PCDH15: variants seen among roughly 807,000 people sequenced by gnomAD.
PCDH15 encodes the protein protocadherin related 15, also known as protocadherin-15.
PCDH15 carries 129 observed loss-of-function variants against 178.5 expected under a neutral mutation model. That is an observed-to-expected ratio of 0.72 (90% CI 0.63 to 0.84). The LOEUF (loss-of-function observed/expected upper bound fraction) is 0.84. Among genes scored for constraint, PCDH15 ranks in the 40% least tolerant of loss-of-function variants. The pLI, the probability that PCDH15 is intolerant of heterozygous loss-of-function variation, is 0.00. For missense variants in PCDH15, 2,230 were observed against 2,099.9 expected, an observed-to-expected ratio of 1.06 and a Z score of -1.21; for synonymous variants, 800 against 732.0, an observed-to-expected ratio of 1.09 and a Z score of -1.50.
At chr10:54,696,573 G>A (rs2095228343) in intron 1 of PCDH15, among the ~76,000 whole-genome samples, 1 of 151,810 alleles carries the variant, frequency 6.6e-6, no homozygotes, top group South Asian at 2.1e-4. Flanking sequence ...AAACAGCACT[G>A]AAATCTATGG....
At chr10:54,874,188 G>A (rs1398375749) in intron 3 of PCDH15, among the ~76,000 whole-genome samples, 8 of 108,182 alleles carry the variant, frequency 7.4e-5, no homozygotes. Flanking sequence ...TGTTCTCATT[G>A]TTCAATTCCC....
chr10:54,201,694 G>A (rs2050244408), intron 10 of PCDH15, among the ~76,000 whole-genome samples: 1 of 152,014 alleles, frequency 6.6e-6, no homozygotes, highest in African/African-American at 2.4e-5. Flanking sequence ...TAAAAATTAA[G>A]TGATTGTGAC....
intron 3 of PCDH15, among the ~76,000 whole-genome samples, chr10:54,827,843 T>G (rs1272838056): frequency 6.6e-6 from 1 of 152,082 alleles, no homozygotes; most frequent in Non-Finnish European, 1.5e-5. Context: ...TAATTTGGAA[T>G]GGGGATTTAA....
chr10:55,255,169 T>C (rs1841957784), intron 1 of PCDH15, among the ~76,000 whole-genome samples: 2 of 152,202 alleles, frequency 1.3e-5, no homozygotes, highest in Non-Finnish European at 2.9e-5. Flanking sequence ...ATTCTCGTTG[T>C]TCAATTCCCA....
intron 2 of PCDH15, among the ~76,000 whole-genome samples, chr10:55,097,341 G>A (rs951284961): frequency 6.6e-6 from 1 of 152,092 alleles, no homozygotes; most frequent in Non-Finnish European, 1.5e-5. Context: ...AAGAAGTAAA[G>A]TAACCTGCCT....
intron 27 of PCDH15, among the ~76,000 whole-genome samples, chr10:53,864,441 G>C (rs2079309173): frequency 6.6e-6 from 1 of 152,174 alleles, no homozygotes; most frequent in South Asian, 2.1e-4. Context: ...GTCTCAGATG[G>C]AAAGGGAAAG....
intron 20 of PCDH15, among the ~76,000 whole-genome samples, chr10:54,014,483 A>C (rs1269227088): frequency 1.3e-5 from 2 of 152,178 alleles, no homozygotes; most frequent in African/African-American, 4.8e-5. Context: ...ACTTCAGGCC[A>C]ATATCTTTGA....
intron 2 of PCDH15, among the ~76,000 whole-genome samples, chr10:55,451,138 C>T (rs1041101281): frequency 1.3e-5 from 2 of 151,852 alleles, no homozygotes; most frequent in Non-Finnish European, 2.9e-5. Context: ...AACCTAGAGC[C>T]CATGCTCTTT....
intron 26 of PCDH15, among the ~76,000 whole-genome samples, chr10:53,873,837 A>G (rs1014534582): frequency 7.2e-5 from 11 of 152,168 alleles, no homozygotes; most frequent in African/African-American, 2.7e-4. Context: ...AGCCCCCATG[A>G]AACGGATTGG....
At chr10:54,147,958 C>T (rs1168821035) in intron 14 of PCDH15, among the ~76,000 whole-genome samples, 1 of 151,896 alleles carries the variant, frequency 6.6e-6, no homozygotes, top group South Asian at 2.1e-4. Context: ...AGTCAATTAT[C>T]CTATTTCAGC....
intron 3 of PCDH15, among the ~76,000 whole-genome samples, chr10:54,474,274 GA>G (rs961543062): frequency 6.0e-5 from 9 of 149,430 alleles, no homozygotes; most frequent in South Asian, 2.1e-4. Flanking sequence ...TCAATACAAA[GA>G]AAAAAAAATA....
chr10:54,576,282 T>C lies in PCDH15; in HGVS notation c.92-48405A>G, dbSNP rs2090475248. 2.6e-5 allele frequency among the ~76,000 whole-genome samples: 4 copies of C among 152,314 alleles called. No homozygotes were observed. In the South Asian group the frequency reaches 6.2e-4, roughly 24 times the overall value. Reference sequence around the variant, plus strand: ...TTAAGTATAAGTTTTCTATAAAAATTAGCATTGGATATGTAGACTACTCAT... The same window carrying C: ...TTAAGTATAAGTTTTCTATAAAAATCAGCATTGGATATGTAGACTACTCAT... On this transcript the variant is annotated intron_variant, in intron 2 of 37. Transcript: ENST00000644397.
chr10:54,435,198 G>T, intron 3 of PCDH15, among the ~76,000 whole-genome samples: 1 of 151,878 alleles, frequency 6.6e-6, no homozygotes, highest in African/African-American at 2.4e-5. Flanking sequence ...ACATTTATTG[G>T]TCTTCTATGT....
At chr10:55,502,629 G>C (rs557812330) in intron 2 of PCDH15, among the ~76,000 whole-genome samples, 1 of 151,514 alleles carries the variant, frequency 6.6e-6, no homozygotes, top group Non-Finnish European at 1.5e-5. Flanking sequence ...CTGAGTCAAG[G>C]GATAGAGGAT....
intron 13 of PCDH15, among the ~76,000 whole-genome samples, chr10:54,178,434 C>G (rs2047653126): frequency 6.6e-6 from 1 of 151,794 alleles, no homozygotes; most frequent in Non-Finnish European, 1.5e-5. Flanking sequence ...TAGACCAGAA[C>G]CTGGGGATGT....
intron 13 of PCDH15, among the ~76,000 whole-genome samples, chr10:54,170,888 C>G (rs571508891): frequency 0.041 from 6,174 of 151,970 alleles, 425 homozygotes; most frequent in African/African-American, 0.14. Context: ...AGTGTTCCAT[C>G]TGCTATTCTA....
chr10:54,357,995 C>T (rs973023873), intron 5 of PCDH15, among the ~76,000 whole-genome samples: 12 of 151,796 alleles, frequency 7.9e-5, no homozygotes, highest in Non-Finnish European at 1.3e-4. Context: ...CTTCCTTACA[C>T]CTTATACAAA....
intron 1 of PCDH15, among the ~76,000 whole-genome samples, chr10:55,206,243 TTTTG>T (rs1414318734): frequency 2.0e-5 from 3 of 152,134 alleles, no homozygotes; most frequent in African/African-American, 7.3e-5. Context: ...GCTTGGCAGT[TTTTG>T]TTTGTTTTTC....
chr10:54,808,424 C>CT, intron 3 of PCDH15, among the ~76,000 whole-genome samples: 1 of 152,284 alleles, frequency 6.6e-6, no homozygotes, highest in Non-Finnish European at 1.5e-5. Context: ...CAAGCTGCTT[C>CT]TTTGCATGGT....
Sources: gnomAD v4.1 joint callset for allele counts (sites outside exome capture counted in the v4.1 genomes callset) on GRCh38, gnomAD v4.1.1 for gene constraint, MANE v1.5 for transcripts, NCBI Gene and HGNC (gene_info 2026-07-23, HGNC 2026-07-21) for gene names.